FAT2: variants seen among roughly 807,000 people sequenced by gnomAD.
The protein encoded by FAT2 is protocadherin Fat 2.
In FAT2, 150 loss-of-function variants were observed where a neutral mutation model predicts 295.3. The observed-to-expected ratio is 0.51, with a 90% CI of 0.44 to 0.58. The LOEUF (loss-of-function observed/expected upper bound fraction) is 0.58. Ranked by LOEUF, FAT2 falls within the 20% of genes least tolerant of loss-of-function variation. The probability of loss-of-function intolerance (pLI) is 0.00; values close to 1 mark genes in which losing one functional copy is unlikely to be tolerated. For synonymous variants in FAT2, 2,026 were observed against 2,150.3 expected (o/e 0.94, Z 1.60); for missense variants, 4,868 against 5,442.7 (o/e 0.89, Z 3.32).
chr5:151,532,065 G>A (rs536938820), intron 13 of FAT2, 95 bp from the exon 14 acceptor site: 4 of 1,504,026 alleles, frequency 2.7e-6, no homozygotes, highest in South Asian at 2.5e-5. Flanking sequence ...GCTGGGGAGG[G>A]GCTCCCATGA....
rs34375602 is a variant in FAT2, at chr5:151,504,119, TA to T, written c.*1445del. On this transcript the variant is annotated 3_prime_UTR_variant, in exon 24 of 24. Coordinates refer to ENST00000261800, the MANE Select transcript of FAT2 (RefSeq NM_001447.3). ...ACAGTAAAAAAAGATACTTTATTGT[TA>T]AAAAAAAAATGACCAATGAAACTAT... is the stretch of plus-strand genomic sequence containing the variant. 31 of 150,400 alleles carry T rather than the reference TA, an allele frequency of 2.1e-4. No homozygotes were observed. Among genetic ancestry groups the T allele is most frequent in the East Asian group, 3.9e-4 (2 of 5,138 alleles). 9.3% of individuals were successfully genotyped at this position (150,400 alleles called of 1,614,324 possible).
chr5:151,566,334 G>A lies in FAT2; in HGVS notation c.2598C>T (p.Phe866=). ...GTTCCCCAGTGAGAGGGTGGAGGGA[G>A]AACTTCTCTGTGGGACTTAGCAGGG... is the stretch of plus-strand genomic sequence containing the variant. ...RYTLLSPTEK[F]SLHPLTGELV... The change falls in exon 2 of 24, where the codon TTC becomes TTT. Residue 866 remains phenylalanine (F), a synonymous_variant. Transcript: ENST00000261800. 1 of 1,614,154 alleles carries A rather than the reference G, an allele frequency of 6.2e-7. No homozygotes were observed. Among genetic ancestry groups the A allele is most frequent in the Non-Finnish European group, 8.5e-7 (1 of 1,180,022 alleles).
intron 1 of FAT2, among the ~76,000 whole-genome samples, chr5:151,580,414 A>T (rs1430380599): frequency 6.6e-6 from 1 of 152,214 alleles, no homozygotes; most frequent in Non-Finnish European, 1.5e-5. Flanking sequence ...GAACACATGC[A>T]TGTATGACAT....
At chr5:151,559,969 A>G (rs1306858013) in intron 3 of FAT2, among the ~76,000 whole-genome samples, 1 of 151,722 alleles carries the variant, frequency 6.6e-6, no homozygotes, top group Non-Finnish European at 1.5e-5. Flanking sequence ...AGTGGACTTC[A>G]CTCTTACCAT....
rs2127648616 is a variant in FAT2 at position 151,567,753 on chromosome 5, C to T, written c.1179G>A (p.Leu393=). Residue 393 remains leucine (L), a synonymous_variant, in exon 2 of 24, where the codon CTG becomes CTA. Coordinates refer to ENST00000261800, the MANE Select transcript of FAT2 (RefSeq NM_001447.3). ...MVRVTPAFPN[L]QYVLKPSSEN... Reference sequence around the variant, plus strand: ...CTGAAGATGGCTTTAGAACATACTGCAGGTTGGGGAAGGCTGGGGTGACTC... The same window carrying T: ...CTGAAGATGGCTTTAGAACATACTGTAGGTTGGGGAAGGCTGGGGTGACTC... 6.2e-7 allele frequency: 1 copy of T among 1,614,152 alleles called. No homozygotes were observed. The highest frequency in any genetic ancestry group is 8.5e-7 in the Non-Finnish European group (1 of 1,180,022).
chr5:151,568,612 A>G lies in FAT2; in HGVS notation c.320T>C (p.Leu107Pro), dbSNP rs1758393797. ...IRTKSSNTAL[L>P]NREVRDSYTL... ...GTAGCTGTCTCGCACCTCTCTGTTC[A>G]GAAGAGCTGTGTTGCTGCTCTTTGT... The change falls in exon 2 of 24, where the codon CTG becomes CCG. Residue 107 changes from leucine to proline, a missense_variant. Transcript: ENST00000261800. 3 of 1,614,138 alleles carry G rather than the reference A, an allele frequency of 1.9e-6. No homozygotes were observed. Among genetic ancestry groups the G allele is most frequent in the Non-Finnish European group, 2.5e-6 (3 of 1,180,024 alleles).
intron 20 of FAT2, among the ~76,000 whole-genome samples, chr5:151,516,760 G>C (rs1752913003): frequency 6.6e-6 from 1 of 152,150 alleles, no homozygotes; most frequent in African/African-American, 2.4e-5. Context: ...CAATAAATCT[G>C]TTTTGAATGA....
rs1330834107 is a variant in FAT2 at position 151,567,639 on chromosome 5, T to C, written c.1293A>G (p.Leu431=). ...MDFHDRAHYQ[L]HIRTSPGQAS... ...CCTGGCCCGGTGAGGTTCTGATGTG[T>C]AGCTGATAGTGGGCTCTGTCGTGGA... The change falls in exon 2 of 24, where the codon CTA becomes CTG. Residue 431 remains leucine (L), a synonymous_variant. Transcript: ENST00000261800. The C allele has an allele frequency of 6.2e-7, 1 of 1,614,126 alleles. No homozygotes were observed. The highest frequency in any genetic ancestry group is 1.1e-5 in the South Asian group (1 of 91,072).
At chr5:151,523,384 A>G (rs752437295) in intron 18 of FAT2, among the ~76,000 whole-genome samples, 10 of 152,200 alleles carry the variant, frequency 6.6e-5, no homozygotes, top group Non-Finnish European at 1.5e-4. Context: ...CCTTCTTATG[A>G]GATAGGTACT....
intron 2 of FAT2, 73 bp downstream of exon 2, chr5:151,565,600 G>T: frequency 1.4e-6 from 2 of 1,439,372 alleles, no homozygotes; most frequent in Non-Finnish European, 1.8e-6. Flanking sequence ...CCTTCAGCCC[G>T]CAGGCTGACT....
chr5:151,553,150 C>T (rs2127626509), intron 6 of FAT2, 27 bp downstream of exon 6: 3 of 1,611,484 alleles, frequency 1.9e-6, no homozygotes, highest in Non-Finnish European at 2.5e-6. Flanking sequence ...GGGGTTGGCC[C>T]TTGTTGGGCC....
chr5:151,505,831 G>A lies in FAT2; in HGVS notation c.12784C>T (p.Arg4262Cys), dbSNP rs763266607. 8.1e-6 allele frequency: 13 copies of A among 1,612,930 alleles called. No homozygotes were observed. Among genetic ancestry groups the A allele is most frequent in the South Asian group, 4.4e-5 (4 of 90,962 alleles). The change falls in exon 24 of 24, where the codon CGC becomes TGC. Residue 4262 changes from arginine to cysteine, a missense_variant. By Grantham distance (180) the Arg-to-Cys change is radical (BLOSUM62 -3). This residue lies in a region of FAT2 where 492 missense variants were observed against 482.6 expected (regional missense o/e 1.02). Transcript: ENST00000261800. ...MPSRPPSPRE[R>C]LVAPCLNEYT... ...TCATTGAGACAGGGGGCAACCAGGCGCTCCCGGGGACTAGGGGGCCGAGAG... is the reference window on the plus strand; with the variant it reads ...TCATTGAGACAGGGGGCAACCAGGCACTCCCGGGGACTAGGGGGCCGAGAG...
At chr5:151,594,445 G>A (rs1279194150), upstream of FAT2, among the ~76,000 whole-genome samples, 1 of 152,218 alleles carries the variant, frequency 6.6e-6, no homozygotes, top group Non-Finnish European at 1.5e-5. Context: ...CTTCCTGTGG[G>A]TAGGACCCAG....
chr5:151,529,962 TTTTG>T (rs1313482937), intron 14 of FAT2, among the ~76,000 whole-genome samples: 7 of 152,232 alleles, frequency 4.6e-5, no homozygotes, highest in Non-Finnish European at 8.8e-5. Context: ...ACACTCTGCT[TTTTG>T]TTTTATTTTA....
intron 9 of FAT2, among the ~76,000 whole-genome samples, chr5:151,548,360 ATAAT>A (rs2127617576): frequency 6.6e-6 from 1 of 152,188 alleles, no homozygotes; most frequent in East Asian, 1.9e-4. Flanking sequence ...ATTATCATTA[ATAAT>A]TAGTTGGATA....
At chr5:151,535,503 G>A (rs1755173181) in intron 12 of FAT2, among the ~76,000 whole-genome samples, 1 of 152,082 alleles carries the variant, frequency 6.6e-6, no homozygotes, top group African/African-American at 2.4e-5. Context: ...CCTGGAGGGT[G>A]GTGCGCCCAG....
In FAT2 at chr5:151,542,467, G is replaced by A. The variant is rs1474377349; in HGVS notation, c.8660C>T (p.Ser2887Phe). 2.5e-6 allele frequency: 4 copies of A among 1,614,184 alleles called. No homozygotes were observed. Among genetic ancestry groups the A allele is most frequent in the Non-Finnish European group, 2.5e-6 (3 of 1,180,024 alleles). ...GGAGACCTGAACCAGGGCCTGAGAG[G>A]ATAGCTGGATGGTCTGTCCGTGGTC... ...AYDHGQTIQL[S>F]SQALVQVSIT... Residue 2887 changes from serine to phenylalanine, a missense_variant, in exon 10 of 24, where the codon TCC becomes TTC. Physicochemically the swap from Ser to Phe is radical, Grantham distance 155 (BLOSUM62 -2). Coordinates refer to ENST00000261800, the MANE Select transcript of FAT2 (RefSeq NM_001447.3).
chr5:151,588,203 G>C (rs529322946), intron 1 of FAT2, among the ~76,000 whole-genome samples: 5 of 152,252 alleles, frequency 3.3e-5, no homozygotes, highest in African/African-American at 1.2e-4. Flanking sequence ...TTGTCCCCTG[G>C]AGGGCAGCTT....
At chr5:151,577,538 G>A (rs142400325) in intron 1 of FAT2, among the ~76,000 whole-genome samples, 127 of 152,316 alleles carry the variant, frequency 8.3e-4, no homozygotes, top group African/African-American at 2.9e-3. Context: ...GTTATGTGGG[G>A]CAAGGGGTAG....
Sources: gnomAD v4.1 joint callset for allele counts (sites outside exome capture counted in the v4.1 genomes callset) on GRCh38, gnomAD v4.1.1 for gene constraint, gnomAD v4.1.1 regional missense constraint, MANE v1.5 for transcripts, NCBI Gene and HGNC (gene_info 2026-07-23, HGNC 2026-07-21) for gene names.